CCSER1: variants seen among roughly 807,000 people sequenced by gnomAD.
CCSER1 encodes serine-rich coiled-coil domain-containing protein 1.
A neutral mutation model predicts 82.0 loss-of-function variants in CCSER1; 41 were observed. The observed-to-expected ratio is 0.50, with a 90% CI of 0.39 to 0.65. The LOEUF is 0.65. Ranked by LOEUF, CCSER1 falls within the 30% of genes least tolerant of loss-of-function variation. The pLI is 0.00. For synonymous variants in CCSER1, 414 were observed against 383.9 expected, an observed-to-expected ratio of 1.08 and a Z score of -0.92; for missense variants, 1,119 against 1,064.2, an observed-to-expected ratio of 1.05 and a Z score of -0.72.
At chr4:91,194,181 G>A (rs933254952) in intron 10 of CCSER1, among the ~76,000 whole-genome samples, 1 of 152,104 alleles carries the variant, frequency 6.6e-6, no homozygotes. Flanking sequence ...CATGGCTCAG[G>A]CTTGTCTCGA....
intron 6 of CCSER1, among the ~76,000 whole-genome samples, chr4:90,697,963 A>T (rs966537559): frequency 3.3e-5 from 5 of 152,162 alleles, no homozygotes; most frequent in Admixed American, 6.6e-5. Context: ...GCAAAATGCA[A>T]TTATTACTTA....
Position 91,052,703 on chromosome 4 carries a change from A to G in CCSER1, c.2173-33247A>G, listed in dbSNP as rs115343505. ...CTGTCTATGGATAGAGATAGAGATC[A>G]ATAACTAATATCATACTGTGAAAAT... On this transcript the variant is annotated intron_variant, in intron 9 of 10. Coordinates refer to ENST00000509176, the MANE Select transcript of CCSER1 (RefSeq NM_001145065.2). Among the ~76,000 whole-genome samples, 1,512 of 152,282 alleles carry G rather than the reference A, an allele frequency of 9.9e-3. 38 individuals carry two copies. The highest frequency in any genetic ancestry group is 0.035 in the African/African-American group (1,455 of 41,576).
At chr4:91,539,846 A>G (rs1273234698) in intron 10 of CCSER1, among the ~76,000 whole-genome samples, 1 of 152,066 alleles carries the variant, frequency 6.6e-6, no homozygotes, top group African/African-American at 2.4e-5. Flanking sequence ...ATTAGTGCAC[A>G]GCTTATTGAA....
intron 4 of CCSER1, among the ~76,000 whole-genome samples, chr4:90,431,847 A>T (rs946454166): frequency 6.6e-6 from 1 of 151,986 alleles, no homozygotes; most frequent in African/African-American, 2.4e-5. Context: ...CACCTCCTCA[A>T]ATTTGCATTT....
intron 9 of CCSER1, among the ~76,000 whole-genome samples, chr4:91,052,125 T>G (rs1308552233): frequency 1.3e-5 from 2 of 152,058 alleles, no homozygotes; most frequent in Non-Finnish European, 2.9e-5. Context: ...AAAAATGCCT[T>G]TTTTACATAC....
At chr4:91,034,634 C>CTG (rs1741277636) in intron 9 of CCSER1, among the ~76,000 whole-genome samples, 1 of 152,040 alleles carries the variant, frequency 6.6e-6, no homozygotes, top group African/African-American at 2.4e-5. Context: ...ATCAGAATAG[C>CTG]TGTGTGTGTC....
chr4:90,623,495 C>G (rs1722735223), intron 5 of CCSER1, among the ~76,000 whole-genome samples: 1 of 152,192 alleles, frequency 6.6e-6, no homozygotes, highest in Non-Finnish European at 1.5e-5. Context: ...GTGAGAGAGA[C>G]AGTTTCTAGA....
chr4:91,365,353 C>A (rs1407431442), intron 10 of CCSER1, among the ~76,000 whole-genome samples: 3 of 152,076 alleles, frequency 2.0e-5, no homozygotes, highest in East Asian at 3.8e-4. Flanking sequence ...TCATGAAATG[C>A]CCTGTACGTT....
rs1040611510 is a variant in CCSER1 at position 91,600,131 on chromosome 4, G to A, written c.*1074G>A. On this transcript the variant is annotated 3_prime_UTR_variant, in exon 11 of 11. Coordinates refer to ENST00000509176, the MANE Select transcript of CCSER1 (RefSeq NM_001145065.2). ...AAAAGTAAAGTAAATGTGAACATTG[G>A]CAATTTAATCTTAGAAATAAGCTTC... is the stretch of plus-strand genomic sequence containing the variant. 5.9e-5 allele frequency: 9 copies of A among 151,992 alleles called. No individual in the cohort carries two copies. The highest frequency in any genetic ancestry group is 8.8e-5 in the Non-Finnish European group (6 of 67,980). The allele number at this position is 151,992 out of a possible 1,614,324, so 9.4% of individuals were successfully genotyped here.
At chr4:90,361,847 G>A (rs1432232341) in intron 3 of CCSER1, among the ~76,000 whole-genome samples, 1 of 152,202 alleles carries the variant, frequency 6.6e-6, no homozygotes, top group East Asian at 1.9e-4. Context: ...TGCAAGTCTT[G>A]TAAGCAGAGG....
chr4:90,808,330 G>A (rs924925546), intron 7 of CCSER1, among the ~76,000 whole-genome samples: 1 of 151,976 alleles, frequency 6.6e-6, no homozygotes, highest in African/African-American at 2.4e-5. Context: ...CATTGGCTTA[G>A]GCAAAGAATT....
chr4:91,340,123 C>CA (rs951738885), intron 10 of CCSER1, among the ~76,000 whole-genome samples: 2 of 151,466 alleles, frequency 1.3e-5, no homozygotes, highest in Non-Finnish European at 2.9e-5. Context: ...TCAAAAAAAA[C>CA]AAAAAAAGAT....
intron 10 of CCSER1, among the ~76,000 whole-genome samples, chr4:91,194,189 C>G (rs573627852): frequency 6.6e-6 from 1 of 152,094 alleles, no homozygotes; most frequent in Non-Finnish European, 1.5e-5. Flanking sequence ...AGGCTTGTCT[C>G]GAACTCCCGA....
chr4:91,421,456 G>A (rs1446425804), intron 10 of CCSER1, among the ~76,000 whole-genome samples: 1 of 152,174 alleles, frequency 6.6e-6, no homozygotes, highest in Non-Finnish European at 1.5e-5. Flanking sequence ...CCAGGCAGAA[G>A]AAGATGGATG....
At chr4:91,340,294 A>G (rs946053796) in intron 10 of CCSER1, among the ~76,000 whole-genome samples, 3 of 152,218 alleles carry the variant, frequency 2.0e-5, no homozygotes, top group Non-Finnish European at 4.4e-5. Context: ...GTAGAAAGTG[A>G]AACTACAGAT....
At position 90,965,260 on chromosome 4, in the gene CCSER1, G is replaced by T. The variant is rs551929787; in HGVS notation, c.2172+41813G>T. Among the ~76,000 whole-genome samples the T allele has an allele frequency of 2.4e-4, 37 of 152,210 alleles. No homozygotes were observed. The South Asian group carries it at 7.3e-3, about 30-fold the overall frequency. On this transcript the variant is annotated intron_variant, in intron 9 of 10. Transcript: ENST00000509176. ...ATCTTAAATGGAAAATCTGGGAGAT[G>T]ATATGTCTACAGAGGCCTTTAAAAA...
chr4:91,037,255 CACATACAT>C (rs1270865844), intron 9 of CCSER1, among the ~76,000 whole-genome samples: 2 of 115,248 alleles, frequency 1.7e-5, no homozygotes, highest in Non-Finnish European at 2.0e-5. Context: ...CACACACACA[CACATACAT>C]ACACACACAC....
chr4:91,479,706 TTTTTC>T (rs1166511475), intron 10 of CCSER1, among the ~76,000 whole-genome samples: 9 of 105,460 alleles, frequency 8.5e-5, no homozygotes, highest in Admixed American at 3.9e-4. Context: ...TTTTTTCTTT[TTTTTC>T]TTTCTTTTTT....
rs1046878696 is a variant in CCSER1, at chr4:90,696,638, C to T, written c.1933-27276C>T. ...ATATAGACACGTAAACAAATAATTT[C>T]GATATAGCTTGATAATCATTAAAAC... On this transcript the variant is annotated intron_variant, in intron 6 of 10. Coordinates refer to ENST00000509176, the MANE Select transcript of CCSER1 (RefSeq NM_001145065.2). Among the ~76,000 whole-genome samples the T allele has an allele frequency of 7.9e-5, 12 of 152,192 alleles. No individual in the cohort carries two copies. The East Asian group carries it at 1.2e-3, about 15-fold the overall frequency.
Sources: allele counts gnomAD v4.1 joint callset (sites outside exome capture counted in the v4.1 genomes callset), GRCh38; gene constraint gnomAD v4.1.1; transcripts MANE v1.5; gene names NCBI Gene and HGNC (gene_info 2026-07-23, HGNC 2026-07-21).